EXOC2: variants seen among roughly 807,000 people sequenced by gnomAD.
The protein encoded by EXOC2 is exocyst complex component 2, also known as SEC5-like 1.
EXOC2 carries 70 observed loss-of-function variants against 131.8 expected under a neutral mutation model. That is an observed-to-expected ratio of 0.53 (90% CI 0.44 to 0.65). The LOEUF (loss-of-function observed/expected upper bound fraction) is 0.65, where lower values mean the gene tolerates loss of function less well. Among genes scored for constraint, EXOC2 ranks in the 30% least tolerant of loss-of-function variants. The pLI is 0.00. For synonymous variants in EXOC2, 411 were observed against 398.4 expected (o/e 1.03, Z -0.38); for missense variants, 923 against 1,108.6 (o/e 0.83, Z 2.38).
intron 23 of EXOC2, among the ~76,000 whole-genome samples, chr6:527,552 T>G (rs916591737): frequency 1.3e-5 from 2 of 152,258 alleles, no homozygotes; most frequent in African/African-American, 4.8e-5. Flanking sequence ...CGCTCACTGA[T>G]GGACTGTGCA....
chr6:497,235 A>G, intron 25 of EXOC2, 132 bp downstream of exon 25: 1 of 771,066 alleles, frequency 1.3e-6, no homozygotes, highest in Non-Finnish European at 2.0e-6. Flanking sequence ...TTATGCAAGA[A>G]AGAATATGAA....
chr6:597,979 A>G lies in EXOC2; in HGVS notation c.1073+42T>C, dbSNP rs753548649. On this transcript the variant is annotated intron_variant, in intron 10 of 27. Coordinates refer to ENST00000230449, the MANE Select transcript of EXOC2 (RefSeq NM_018303.6). ...GGTTACAAGATGCATACAGTACCAA[A>G]CAGATACATGTGATTCAACAAAATG... is the stretch of plus-strand genomic sequence containing the variant. 6.2e-6 allele frequency: 9 copies of G among 1,457,952 alleles called. 1 individual carries two copies. In the South Asian group the frequency reaches 1.1e-4, roughly 17 times the overall value. The allele number at this position is 1,457,952 out of a possible 1,614,324, so 90.3% of individuals were successfully genotyped here.
intron 9 of EXOC2, 57 bp downstream of exon 9, chr6:598,796 ACACATTC>A (rs1759965040): frequency 7.5e-7 from 1 of 1,334,494 alleles, no homozygotes; most frequent in Admixed American, 2.0e-5. Context: ...TCTTTGCAGA[ACACATTC>A]CACATTCTTC....
At chr6:591,643 G>A (rs1013178183) in intron 11 of EXOC2, among the ~76,000 whole-genome samples, 9 of 152,188 alleles carry the variant, frequency 5.9e-5, no homozygotes, top group African/African-American at 2.2e-4. Flanking sequence ...TATTCTAACA[G>A]CTGGCTGGTT....
chr6:599,848 TCC>T (rs1346861792), intron 7 of EXOC2, among the ~76,000 whole-genome samples: 1 of 145,058 alleles, frequency 6.9e-6, no homozygotes, highest in East Asian at 2.0e-4. Context: ...GCTGCACATT[TCC>T]TAAGTTTTTT....
At chr6:516,868 A>C (rs1302178499) in intron 23 of EXOC2, among the ~76,000 whole-genome samples, 1 of 152,222 alleles carries the variant, frequency 6.6e-6, no homozygotes, top group Non-Finnish European at 1.5e-5. Context: ...CCTAGTACAG[A>C]TATAGAATAT....
Position 678,046 on chromosome 6 carries a change from C to G in EXOC2, c.-44+14973G>C, listed in dbSNP as rs541038160. Among the ~76,000 whole-genome samples the G allele has an allele frequency of 3.9e-5, 6 of 152,272 alleles. No homozygotes were observed. The East Asian group carries it at 1.2e-3, about 29-fold the overall frequency. ...AAAGTGCCTCCCTCCCTGACCAGTTCTTCAGTGTGACCGTGAGCACGCAAT... is the reference window on the plus strand; with the variant it reads ...AAAGTGCCTCCCTCCCTGACCAGTTGTTCAGTGTGACCGTGAGCACGCAAT... On this transcript the variant is annotated intron_variant, in intron 1 of 27. Coordinates refer to ENST00000230449, the MANE Select transcript of EXOC2 (RefSeq NM_018303.6).
intron 11 of EXOC2, among the ~76,000 whole-genome samples, chr6:583,048 A>G (rs1759000921): frequency 1.3e-5 from 2 of 152,354 alleles, no homozygotes; most frequent in East Asian, 1.9e-4. Context: ...TATATTTGTA[A>G]TAAGTAAGCT....
chr6:686,220 C>T (rs1258545043), intron 1 of EXOC2, among the ~76,000 whole-genome samples: 2 of 151,778 alleles, frequency 1.3e-5, no homozygotes, highest in Non-Finnish European at 2.9e-5. Flanking sequence ...CCTCGGCCTC[C>T]CAAAGTGCTG....
At chr6:551,456 C>G (rs758083499) in intron 21 of EXOC2, among the ~76,000 whole-genome samples, 2 of 152,220 alleles carry the variant, frequency 1.3e-5, no homozygotes, top group African/African-American at 2.4e-5. Flanking sequence ...GGCCCTGCAA[C>G]CTGCAGAGAC....
At chr6:548,309 G>C (rs1344740782) in intron 22 of EXOC2, among the ~76,000 whole-genome samples, 4 of 151,952 alleles carry the variant, frequency 2.6e-5, no homozygotes, top group Admixed American at 2.6e-4. Context: ...ATAAAAAGTA[G>C]GTAACCCTGA....
At chr6:581,700 A>G (rs1758914753) in intron 11 of EXOC2, among the ~76,000 whole-genome samples, 1 of 152,140 alleles carries the variant, frequency 6.6e-6, no homozygotes, top group Admixed American at 6.5e-5. Flanking sequence ...GAAAACATAC[A>G]TATGTTATCA....
chr6:677,988 T>C (rs1288070874), intron 1 of EXOC2, among the ~76,000 whole-genome samples: 1 of 151,016 alleles, frequency 6.6e-6, no homozygotes, highest in Non-Finnish European at 1.5e-5. Context: ...CACTCACATA[T>C]GAAAAGGGTC....
At chr6:581,501 C>A (rs1251539385) in intron 11 of EXOC2, among the ~76,000 whole-genome samples, 1 of 152,088 alleles carries the variant, frequency 6.6e-6, no homozygotes, top group African/African-American at 2.4e-5. Flanking sequence ...TACAAAATTG[C>A]GAACAGGCAC....
intron 22 of EXOC2, among the ~76,000 whole-genome samples, chr6:547,733 G>A (rs563387322): frequency 7.3e-5 from 11 of 151,638 alleles, no homozygotes; most frequent in East Asian, 5.8e-4. Flanking sequence ...CAAGACGGTC[G>A]ATGAAAAAAA....
intron 17 of EXOC2, among the ~76,000 whole-genome samples, chr6:558,939 A>G (rs974672846): frequency 5.3e-5 from 8 of 152,332 alleles, no homozygotes; most frequent in East Asian, 3.9e-4. Context: ...CACTAATATA[A>G]TAAGTAGAAA....
chr6:652,068 A>C (rs1164988772), intron 1 of EXOC2, among the ~76,000 whole-genome samples: 2 of 152,064 alleles, frequency 1.3e-5, no homozygotes, highest in Non-Finnish European at 2.9e-5. Context: ...AAAAAAAAAA[A>C]AAACTTCACA....
Position 564,910 on chromosome 6 carries a change from T to C in EXOC2, c.1463A>G (p.Gln488Arg). Reference sequence around the variant, plus strand: ...CCTTACATTCTTTGATCTTTCAATCTGGCCTGACTTCTCAGCAGTCTTAAA... The same window carrying C: ...CCTTACATTCTTTGATCTTTCAATCCGGCCTGACTTCTCAGCAGTCTTAAA... ...LFSETAEKSG[Q>R]IERSKNVRQR... Residue 488 changes from glutamine to arginine, a missense_variant, in exon 14 of 28, where the codon CAG becomes CGG. Physicochemically the swap from Gln to Arg is conservative, Grantham distance 43. Transcript: ENST00000230449. 2 of 1,611,440 alleles carry C rather than the reference T, an allele frequency of 1.2e-6. No homozygotes were observed. Among genetic ancestry groups the C allele is most frequent in the Non-Finnish European group, 1.7e-6 (2 of 1,179,086 alleles).
chr6:590,289 CT>C (rs1759468801), intron 11 of EXOC2, among the ~76,000 whole-genome samples: 1 of 152,190 alleles, frequency 6.6e-6, no homozygotes, highest in Non-Finnish European at 1.5e-5. Flanking sequence ...GTCATTTTCA[CT>C]TGCTAAAAAT....
Sources: gnomAD v4.1 joint callset for allele counts (sites outside exome capture counted in the v4.1 genomes callset) on GRCh38, gnomAD v4.1.1 for gene constraint, MANE v1.5 for transcripts, NCBI Gene and HGNC (gene_info 2026-07-23, HGNC 2026-07-21) for gene names.